Variants in PNPLA7 observed in about 807,000 individuals in gnomAD.
PNPLA7 encodes the protein patatin like domain 7, lysophospholipase, also known as patatin-like phospholipase domain-containing protein 7.
Under a neutral mutation model 161.7 loss-of-function variants are expected in PNPLA7, and 153 were observed. The ratio of observed to expected loss-of-function variants is 0.95; its 90% CI spans 0.83 to 1.08. PNPLA7 has a LOEUF of 1.08. Among genes scored for constraint, PNPLA7 ranks in the 50% least tolerant of loss-of-function variants. PNPLA7 has a pLI of 0.00. For synonymous variants in PNPLA7, 809 were observed against 782.1 expected (o/e 1.03, Z -0.57); for missense variants, 1,739 against 1,856.6 (o/e 0.94, Z 1.16).
In PNPLA7 at chr9:137,543,829, G is replaced by A. The variant is rs555565649; in HGVS notation, c.274-14C>T. ...GAGTGTGGTCACCTGCAGAGCCAAG[G>A]GAGAGACCAGCCACTGACCCTGCAA... On this transcript the variant is annotated splice_polypyrimidine_tract_variant and intron_variant, in intron 4 of 34. Coordinates refer to ENST00000406427, the MANE Select transcript of PNPLA7 (RefSeq NM_001098537.3). The surrounding 1 kb of genome is among the most constrained non-coding windows in gnomAD (Gnocchi z 6.9). 1.9e-6 allele frequency: 3 copies of A among 1,606,794 alleles called. No individual in the cohort carries two copies. Among genetic ancestry groups the A allele is most frequent in the East Asian group, 2.2e-5 (1 of 44,822 alleles).
intron 23 of PNPLA7, 91 bp from the exon 24 acceptor site, chr9:137,479,329 C>T (rs1443241985): frequency 5.8e-6 from 8 of 1,381,718 alleles, no homozygotes; most frequent in Non-Finnish European, 7.5e-6. Flanking sequence ...GGTCTGAGGG[C>T]AGGACCCCGG....
intron 8 of PNPLA7, among the ~76,000 whole-genome samples, chr9:137,528,644 T>C (rs866400718): frequency 1.3e-5 from 2 of 151,882 alleles, no homozygotes; most frequent in Non-Finnish European, 2.9e-5. Flanking sequence ...CTTTGTCTGA[T>C]ACTAATATAG....
At chr9:137,482,966 G>A (rs1310636203) in intron 21 of PNPLA7, among the ~76,000 whole-genome samples, 2 of 152,150 alleles carry the variant, frequency 1.3e-5, no homozygotes, top group Admixed American at 6.5e-5. Flanking sequence ...TCCACTTCCC[G>A]GGGTCAAGCG....
intron 25 of PNPLA7, among the ~76,000 whole-genome samples, 181 bp downstream of exon 25, chr9:137,477,853 G>A (rs932122324): frequency 6.6e-6 from 1 of 152,238 alleles, no homozygotes; most frequent in Admixed American, 6.5e-5. Flanking sequence ...GCATGTGCCA[G>A]GGTCTGCAGG....
chr9:137,474,385 G>A (rs372416563), intron 25 of PNPLA7, among the ~76,000 whole-genome samples: 1 of 152,188 alleles, frequency 6.6e-6, no homozygotes, highest in Non-Finnish European at 1.5e-5. Context: ...TGCCACTGCT[G>A]AGAGTCAGGA....
chr9:137,477,953 A>G, intron 25 of PNPLA7, 81 bp downstream of exon 25: 1 of 1,151,604 alleles, frequency 8.7e-7, no homozygotes, highest in Non-Finnish European at 1.1e-6. Flanking sequence ...TGTCCCCCGC[A>G]CCCAGCACCT....
chr9:137,478,227 G>T lies in PNPLA7; in HGVS notation c.2764-75C>A, dbSNP rs963631979. 3.2e-5 allele frequency: 36 copies of T among 1,125,646 alleles called. 1 individual carries two copies. In the Middle Eastern group the frequency reaches 6.7e-4, roughly 21 times the overall value. 69.7% of individuals were successfully genotyped at this position (1,125,646 alleles called of 1,614,324 possible). A position where few individuals can be genotyped will look rare whatever the true frequency, so the allele number is the denominator to read the frequency against. The stretch of plus-strand genomic sequence containing the variant: ...CGAGACCTCGCATCCTGGCTTGACT[G>T]GGGGGAGTTTCCTCCACTTCTGACC... On this transcript the variant is annotated intron_variant, in intron 24 of 34. Transcript: ENST00000406427.
rs1278624008 is a variant in PNPLA7 at position 137,460,409 on chromosome 9, G to C, written c.4013C>G (p.Ser1338Cys). Residue 1338 changes from serine to cysteine, a missense_variant, in exon 35 of 35, where the codon TCT becomes TGT. Ser to Cys is a moderately radical substitution (Grantham distance 112, BLOSUM62 -1). Transcript: ENST00000406427. Reference protein sequence around the residue: ...LAFPKLSEGSSDQDG With the variant: ...LAFPKLSEGSCDQDG Reference sequence around the variant, plus strand: ...CAGAGGCCTCTACCCGTCCTGGTCAGAGGAGCCCTCAGACAGTTTTGGGAA... The same window carrying C: ...CAGAGGCCTCTACCCGTCCTGGTCACAGGAGCCCTCAGACAGTTTTGGGAA... 1 of 1,612,518 alleles carries C rather than the reference G, an allele frequency of 6.2e-7. No homozygotes were observed. Among genetic ancestry groups the C allele is most frequent in the Admixed American group, 1.7e-5 (1 of 59,990 alleles).
chr9:137,538,765 T>TA (rs1296095096), intron 8 of PNPLA7, among the ~76,000 whole-genome samples: 3 of 152,188 alleles, frequency 2.0e-5, no homozygotes, highest in Non-Finnish European at 4.4e-5. Context: ...AAATTCCAGT[T>TA]AATGGGCCAA....
chr9:137,498,491 C>T (rs1564314633), intron 16 of PNPLA7, among the ~76,000 whole-genome samples: 1 of 152,244 alleles, frequency 6.6e-6, no homozygotes. Context: ...CCTGGCAGGC[C>T]CGCGAGTGCC....
At chr9:137,496,106 GTT>G (rs911379420) in intron 18 of PNPLA7, among the ~76,000 whole-genome samples, 1 of 140,898 alleles carries the variant, frequency 7.1e-6, no homozygotes, top group African/African-American at 2.6e-5. Context: ...CCCACACACT[GTT>G]TTTTTTTTTC....
At chr9:137,473,089 G>A (rs1831787403) in intron 25 of PNPLA7, among the ~76,000 whole-genome samples, 2 of 152,210 alleles carry the variant, frequency 1.3e-5, no homozygotes, top group South Asian at 2.1e-4. Context: ...GTGCAGGGGA[G>A]CTGCCCTTTG....
At chr9:137,502,178 C>G (rs1454661179) in intron 14 of PNPLA7, among the ~76,000 whole-genome samples, 1 of 152,170 alleles carries the variant, frequency 6.6e-6, no homozygotes, top group Non-Finnish European at 1.5e-5. Context: ...GCCCAACACA[C>G]TGGAACCCAG....
chr9:137,462,587 A>T (rs939915866), intron 30 of PNPLA7, 98 bp downstream of exon 30: 21 of 1,496,316 alleles, frequency 1.4e-5, no homozygotes, highest in Non-Finnish European at 1.9e-5. Flanking sequence ...TGCTGGCCTC[A>T]GAGCCCAGGA....
chr9:137,493,025 C>G lies in PNPLA7; in HGVS notation c.2185G>C (p.Gly729Arg), dbSNP rs1404383053. The G allele has an allele frequency of 6.2e-7, 1 of 1,613,592 alleles. No homozygotes were observed. Among genetic ancestry groups the G allele is most frequent in the Non-Finnish European group, 8.5e-7 (1 of 1,179,988 alleles). Residue 729 changes from glycine (G) to arginine (R), a missense_variant, in exon 20 of 35, where the codon GGA becomes CGA. Coordinates refer to ENST00000406427, the MANE Select transcript of PNPLA7 (RefSeq NM_001098537.3). Reference protein sequence around the residue: ...GEKILGSLQQGPVTGHQLGLP... With the variant: ...GEKILGSLQQRPVTGHQLGLP... ...AGAGGTGACCCACCTGTCACAGGTCCCTGCTGGAGGCTGCCCAGGATCTTC... is the reference window on the plus strand; with the variant it reads ...AGAGGTGACCCACCTGTCACAGGTCGCTGCTGGAGGCTGCCCAGGATCTTC...
intron 21 of PNPLA7, among the ~76,000 whole-genome samples, chr9:137,484,041 T>C (rs975553383): frequency 6.6e-6 from 1 of 152,010 alleles, no homozygotes; most frequent in Non-Finnish European, 1.5e-5. Context: ...GTTCAAGCGA[T>C]TCTCCTGACT....
chr9:137,536,561 C>T (rs1039183886), intron 8 of PNPLA7, among the ~76,000 whole-genome samples: 3 of 152,080 alleles, frequency 2.0e-5, no homozygotes, highest in Non-Finnish European at 4.4e-5. Context: ...AACAGGTGCA[C>T]AGAAAAATCA....
chr9:137,501,802 G>T, intron 14 of PNPLA7, 75 bp from the exon 15 acceptor site: 1 of 1,451,846 alleles, frequency 6.9e-7, no homozygotes, highest in Non-Finnish European at 9.5e-7. Context: ...GGCTGCACTG[G>T]GCTGTTCAGG....
intron 8 of PNPLA7, among the ~76,000 whole-genome samples, chr9:137,538,281 G>A (rs141913724): frequency 1.2e-4 from 18 of 152,204 alleles, no homozygotes; most frequent in Non-Finnish European, 2.1e-4. Context: ...GGAGCACAAC[G>A]AGATGCCGAG....
Sources: allele counts gnomAD v4.1 joint callset (sites outside exome capture counted in the v4.1 genomes callset), GRCh38; gene constraint gnomAD v4.1.1; non-coding constraint Gnocchi (gnomAD v3.1); transcripts MANE v1.5; gene names NCBI Gene and HGNC (gene_info 2026-07-23, HGNC 2026-07-21).